The following GLRA2 variants were observed in gnomAD, a reference collection of about 807,000 sequenced individuals.
GLRA2 encodes glycine receptor subunit alpha-2.
Under a neutral mutation model 31.6 loss-of-function variants are expected in GLRA2, and 11 were observed. The ratio of observed to expected loss-of-function variants is 0.35; its 90% CI spans 0.22 to 0.58. The LOEUF (loss-of-function observed/expected upper bound fraction) is 0.58, where lower values mean the gene tolerates loss of function less well. Among genes scored for constraint, GLRA2 ranks in the 20% least tolerant of loss-of-function variants. The probability of loss-of-function intolerance (pLI) is 0.84; values close to 1 mark genes in which losing one functional copy is unlikely to be tolerated. For synonymous variants in GLRA2, 132 were observed against 134.0 expected (o/e 0.99, Z 0.10); for missense variants, 212 against 351.8 (o/e 0.60, Z 3.18).
At chrX:14,583,341 T>A (rs1171798252) in intron 4 of GLRA2, among the ~76,000 whole-genome samples, 2 of 112,847 alleles carry the variant, frequency 1.8e-5, no homozygotes, top group African/African-American at 6.4e-5. Context: ...TAAATCATTC[T>A]ACCATAAAGA....
At chrX:14,580,067 C>T (rs2147064182) in intron 3 of GLRA2, among the ~76,000 whole-genome samples, 1 of 111,581 alleles carries the variant, frequency 9.0e-6, no homozygotes, top group East Asian at 2.8e-4. Flanking sequence ...AGTAGAGTGA[C>T]CAACTATCCC....
Position 14,666,961 on chromosome X carries a change from C to T in GLRA2, c.931-23749C>T, listed in dbSNP as rs142625355. ...TCATCTATTCTCTTGTATTTATTTA[C>T]CTCTGTAAAACAGATTACACAAGGG... On this transcript the variant is annotated intron_variant, in intron 7 of 8. Coordinates refer to ENST00000218075, the MANE Select transcript of GLRA2 (RefSeq NM_002063.4). Among the ~76,000 whole-genome samples, 141 of 112,268 alleles carry T rather than the reference C, an allele frequency of 1.3e-3. 3 individuals are homozygous for T. The East Asian group carries it at 0.028, about 23-fold the overall frequency.
At chrX:14,606,173 A>C (rs947535892) in intron 5 of GLRA2, among the ~76,000 whole-genome samples, 3 of 106,956 alleles carry the variant, frequency 2.8e-5, no homozygotes, top group African/African-American at 1.0e-4. Flanking sequence ...AAAAAAAAAA[A>C]CATGCTGAGG....
At chrX:14,483,619 C>T in the GLRA2 span, among the ~76,000 whole-genome samples, 2 of 111,934 alleles carry the variant, frequency 1.8e-5, no homozygotes, top group South Asian at 7.5e-4. Flanking sequence ...TGACAATAAA[C>T]TCCTTAAGAG....
intron 2 of GLRA2, among the ~76,000 whole-genome samples, chrX:14,541,393 C>T (rs2089401758): frequency 9.0e-6 from 1 of 111,538 alleles, no homozygotes; most frequent in Non-Finnish European, 1.9e-5. Flanking sequence ...ACTTGAAATA[C>T]AGCTACTCAT....
chrX:14,612,822 C>T (rs370731935), intron 7 of GLRA2, among the ~76,000 whole-genome samples: 2 of 43,317 alleles, frequency 4.6e-5, no homozygotes, highest in African/African-American at 9.9e-5. Flanking sequence ...TGGGGCCTGT[C>T]GGAGGGTGGG....
intron 8 of GLRA2, among the ~76,000 whole-genome samples, chrX:14,698,321 C>T (rs915060406): frequency 2.7e-5 from 3 of 111,193 alleles, no homozygotes; most frequent in African/African-American, 9.8e-5. Flanking sequence ...TCATGAACTA[C>T]TAAATTAATT....
At chrX:14,627,486 G>A (rs751255430) in intron 7 of GLRA2, among the ~76,000 whole-genome samples, 1 of 111,565 alleles carries the variant, frequency 9.0e-6, no homozygotes, top group African/African-American at 3.2e-5. Flanking sequence ...CCTTTAAAAT[G>A]TATGTCCTCC....
chrX:14,680,544 A>G (rs2091190779), intron 7 of GLRA2, among the ~76,000 whole-genome samples: 1 of 112,013 alleles, frequency 8.9e-6, no homozygotes, highest in South Asian at 3.7e-4. Flanking sequence ...CAAAACATCT[A>G]AGGATTAGCA....
intron 7 of GLRA2, among the ~76,000 whole-genome samples, chrX:14,629,509 C>T (rs1043640921): frequency 1.8e-5 from 2 of 111,450 alleles, no homozygotes; most frequent in Non-Finnish European, 3.8e-5. Flanking sequence ...GTGACACCAC[C>T]ATAGGTTCAT....
intron 8 of GLRA2, among the ~76,000 whole-genome samples, chrX:14,698,681 CAAAAAAAAAA>C (rs749925474): frequency 1.4e-4 from 3 of 21,124 alleles, no homozygotes; most frequent in African/African-American, 1.8e-4. Context: ...CTATCTATCT[CAAAAAAAAAA>C]AAAAAAAAAA....
rs756884057 is a variant in GLRA2 at position 14,690,863 on chromosome X, T to A, written c.1080+4T>A. 4.1e-6 allele frequency: 5 copies of A among 1,208,649 alleles called. No individual in the cohort carries two copies. In the South Asian group the frequency reaches 7.0e-5, roughly 17 times the overall value. ...AAGACAGAAGAGGCAGAATAAGGTA[T>A]GATTGCCCCTCAGTTCAGACAATGT... On this transcript the variant is annotated splice_donor_region_variant and intron_variant, in intron 8 of 8. Coordinates refer to ENST00000218075, the MANE Select transcript of GLRA2 (RefSeq NM_002063.4).
Position 14,592,378 on chromosome X carries a change from A to T in GLRA2, c.494+10972A>T, listed in dbSNP as rs781104442. 2.2e-3 allele frequency among the ~76,000 whole-genome samples: 247 copies of T among 111,556 alleles called. 1 individual carries two copies. Among genetic ancestry groups the T allele is most frequent in the African/African-American group, 7.5e-3 (231 of 30,709 alleles). Reference sequence around the variant, plus strand: ...CTGTAATTTAAGAGGCAGCGTTAAAACATTCAACATGGCCGGGCAGAGTGG... The same window carrying T: ...CTGTAATTTAAGAGGCAGCGTTAAATCATTCAACATGGCCGGGCAGAGTGG... On this transcript the variant is annotated intron_variant, in intron 4 of 8. Coordinates refer to ENST00000218075, the MANE Select transcript of GLRA2 (RefSeq NM_002063.4).
intron 8 of GLRA2, among the ~76,000 whole-genome samples, chrX:14,722,709 T>C (rs1395260463): frequency 1.8e-5 from 2 of 111,736 alleles, no homozygotes; most frequent in Non-Finnish European, 3.8e-5. Flanking sequence ...CTGCTTCTCT[T>C]CTCTTTGCCT....
At chrX:14,691,643 G>A (rs766231322) in intron 8 of GLRA2, among the ~76,000 whole-genome samples, 1 of 111,334 alleles carries the variant, frequency 9.0e-6, no homozygotes, top group East Asian at 2.8e-4. Flanking sequence ...ATGTTAGGAG[G>A]GGCACCAGCC....
At chrX:14,729,937 C>T (rs2091972353) in intron 8 of GLRA2, among the ~76,000 whole-genome samples, 1 of 111,815 alleles carries the variant, frequency 8.9e-6, no homozygotes, top group Admixed American at 9.5e-5. Flanking sequence ...AAAGTCAGTA[C>T]TGAATATAAT....
intron 8 of GLRA2, among the ~76,000 whole-genome samples, chrX:14,717,602 G>A (rs778323543): frequency 2.0e-4 from 22 of 110,897 alleles, no homozygotes; most frequent in African/African-American, 7.2e-4. Flanking sequence ...TCATAGAGTT[G>A]TATATAGTTA....
intron 2 of GLRA2, among the ~76,000 whole-genome samples, chrX:14,563,955 G>C (rs2089765554): frequency 9.0e-6 from 1 of 110,880 alleles, no homozygotes; most frequent in African/African-American, 3.3e-5. Flanking sequence ...ACAGAGCCTA[G>C]GATACCAATG....
chrX:14,695,488 G>C (rs2091432441), intron 8 of GLRA2, among the ~76,000 whole-genome samples: 1 of 112,192 alleles, frequency 8.9e-6, no homozygotes, highest in Admixed American at 9.4e-5. Context: ...GTCAGGGTTG[G>C]CATTACATGG....
Sources: gnomAD v4.1 joint callset for allele counts (sites outside exome capture counted in the v4.1 genomes callset) on GRCh38, gnomAD v4.1.1 for gene constraint, MANE v1.5 for transcripts, NCBI Gene and HGNC (gene_info 2026-07-23, HGNC 2026-07-21) for gene names.